Variants in RIPOR3 observed in about 807,000 individuals in gnomAD.
The protein encoded by RIPOR3 is RIPOR family member 3, also known as family with sequence similarity 65 member C.
RIPOR3 carries 95 observed loss-of-function variants against 114.3 expected under a neutral mutation model. The ratio of observed to expected loss-of-function variants is 0.83; its 90% CI spans 0.70 to 0.99. The LOEUF is 0.99. Among genes scored for constraint, RIPOR3 ranks in the 50% least tolerant of loss-of-function variants. The probability of loss-of-function intolerance (pLI) is 0.00; values close to 1 mark genes in which losing one functional copy is unlikely to be tolerated. For synonymous variants in RIPOR3, 575 were observed against 543.8 expected, an observed-to-expected ratio of 1.06 and a Z score of -0.80; for missense variants, 1,252 against 1,266.9, an observed-to-expected ratio of 0.99 and a Z score of 0.18.
chr20:50,640,034 G>C (rs964982304), intron 1 of RIPOR3, among the ~76,000 whole-genome samples: 1 of 150,400 alleles, frequency 6.6e-6, no homozygotes, highest in Non-Finnish European at 1.5e-5. Context: ...TGGTGGCTTA[G>C]GCATAATTTT....
At chr20:50,676,480 C>T (rs1371150707) in intron 1 of RIPOR3, among the ~76,000 whole-genome samples, 2 of 152,004 alleles carry the variant, frequency 1.3e-5, no homozygotes, top group Admixed American at 6.6e-5. Flanking sequence ...AGAGAGACCC[C>T]GTCTCTACTA....
intron 1 of RIPOR3, among the ~76,000 whole-genome samples, chr20:50,680,814 G>C (rs1359435332): frequency 1.3e-5 from 2 of 152,194 alleles, no homozygotes; most frequent in East Asian, 3.8e-4. Context: ...AGGGCACCCT[G>C]ATTTGCAGGT....
chr20:50,666,527 G>T (rs1475478890), intron 1 of RIPOR3, among the ~76,000 whole-genome samples: 4 of 151,410 alleles, frequency 2.6e-5, no homozygotes, highest in African/African-American at 9.7e-5. Flanking sequence ...CCCAGCCTAG[G>T]ACACCCATTT....
At chr20:50,666,181 C>CCTTTTCTTTTCTTTCTTTTCTTTTCTTTT (rs1600720832) in intron 1 of RIPOR3, among the ~76,000 whole-genome samples, 3 of 14,926 alleles carry the variant, frequency 2.0e-4, no homozygotes, top group Non-Finnish European at 4.5e-4. Flanking sequence ...GAAAGGACAC[C>CCTTTTCTTTTCTTTCTTTTCTTTTCTTTT]CATTTCTTTT....
At chr20:50,610,477 C>T (rs1000648031) in intron 6 of RIPOR3, among the ~76,000 whole-genome samples, 4 of 152,160 alleles carry the variant, frequency 2.6e-5, no homozygotes, top group Admixed American at 6.5e-5. Context: ...ATCTGCTATG[C>T]GACCTTGGGC....
rs141061652 is a variant in RIPOR3, at chr20:50,609,369, G to A, written c.577-13C>T. On this transcript the variant is annotated splice_polypyrimidine_tract_variant and intron_variant, in intron 7 of 21. Transcript: ENST00000327979. ...TGAGCCACATGTCCTGCAAAGCCCC[G>A]GAGGTGGCTCAGCTGGCTGCCTGGG... 476 of 1,612,368 alleles carry A rather than the reference G, an allele frequency of 3.0e-4. 1 individual carries two copies. In the African/African-American group the frequency reaches 5.6e-3, roughly 19 times the overall value.
intron 1 of RIPOR3, among the ~76,000 whole-genome samples, chr20:50,690,280 C>T (rs1179291714): frequency 6.6e-6 from 1 of 152,192 alleles, no homozygotes; most frequent in Non-Finnish European, 1.5e-5. Context: ...AGTCTCCCTG[C>T]CCCCAGCTCT....
chr20:50,631,171 C>A (rs180912029), intron 1 of RIPOR3, among the ~76,000 whole-genome samples: 2 of 152,166 alleles, frequency 1.3e-5, no homozygotes, highest in East Asian at 1.9e-4. Flanking sequence ...CCTCTCACCC[C>A]CCGAGCTTCT....
At chr20:50,641,914 C>A (rs1163932205) in intron 1 of RIPOR3, among the ~76,000 whole-genome samples, 3 of 152,124 alleles carry the variant, frequency 2.0e-5, no homozygotes, top group Non-Finnish European at 4.4e-5. Flanking sequence ...GGGTCCTGTT[C>A]AGCCCCTACT....
chr20:50,608,259 C>G, intron 11 of RIPOR3, 130 bp downstream of exon 11: 1 of 1,297,640 alleles, frequency 7.7e-7, no homozygotes, highest in Non-Finnish European at 1.1e-6. Context: ...GAGTGAGGGA[C>G]AGATGAGGAC....
chr20:50,664,741 G>A (rs2086122455), intron 1 of RIPOR3, among the ~76,000 whole-genome samples: 1 of 152,116 alleles, frequency 6.6e-6, no homozygotes, highest in Admixed American at 6.6e-5. Flanking sequence ...AGATTCTGAG[G>A]CTGTGTATGG....
At chr20:50,593,235 C>A in intron 17 of RIPOR3, 39 bp from the exon 18 acceptor site, 1 of 1,593,808 alleles carries the variant, frequency 6.3e-7, no homozygotes, top group Non-Finnish European at 8.5e-7. Flanking sequence ...AAACTGAGAC[C>A]TCGACCCTCC....
chr20:50,620,226 A>G, intron 2 of RIPOR3, 94 bp from the exon 3 acceptor site: 1 of 1,500,118 alleles, frequency 6.7e-7, no homozygotes, highest in Non-Finnish European at 9.0e-7. Flanking sequence ...GACCAGAGCC[A>G]CAGGGAGTCA....
At chr20:50,638,711 C>T (rs1315476959) in intron 1 of RIPOR3, among the ~76,000 whole-genome samples, 5 of 151,772 alleles carry the variant, frequency 3.3e-5, no homozygotes, top group East Asian at 1.9e-4. Flanking sequence ...GATGGGGTAG[C>T]GGGAGGGAGC....
chr20:50,668,578 C>T (rs112670829), intron 1 of RIPOR3, among the ~76,000 whole-genome samples: 2,583 of 152,232 alleles, frequency 0.017, 87 homozygotes, highest in African/African-American at 0.059. Context: ...GGGAAATGGC[C>T]GGGCACAGTG....
At chr20:50,597,500 G>A (rs1243499816) in intron 14 of RIPOR3, 80 bp downstream of exon 14, 23 of 1,529,656 alleles carry the variant, frequency 1.5e-5, no homozygotes, top group Non-Finnish European at 2.0e-5. Context: ...CAGACGGGGA[G>A]GCTGGCAGGA....
intron 1 of RIPOR3, among the ~76,000 whole-genome samples, chr20:50,661,516 T>C (rs1160517731): frequency 6.6e-6 from 1 of 152,178 alleles, no homozygotes; most frequent in African/African-American, 2.4e-5. Context: ...CAGAGGCTCT[T>C]TGGGAGAGTT....
intron 11 of RIPOR3, among the ~76,000 whole-genome samples, chr20:50,607,834 TCTG>T (rs2083778608): frequency 1.3e-5 from 2 of 152,098 alleles, no homozygotes; most frequent in South Asian, 4.1e-4. Flanking sequence ...AGCCCTCCCT[TCTG>T]CTGCCTCTGC....
At position 50,679,153 on chromosome 20, in the gene RIPOR3, C is replaced by T. The variant is rs372116906; in HGVS notation, c.3+11973G>A. Among the ~76,000 whole-genome samples, 212 of 41,278 alleles carry T rather than the reference C, an allele frequency of 5.1e-3. 3 individuals carry two copies. Among genetic ancestry groups the T allele is most frequent in the East Asian group, 0.049 (43 of 878 alleles). The allele number at this position is 41,278 out of a possible 152,430, so 27.1% of individuals were successfully genotyped here. ...AAAAAAAAATATATATATATATACA[C>T]ACACACACACACAGAGAGAGAGAGA... On this transcript the variant is annotated intron_variant, in intron 1 of 21. Coordinates refer to ENST00000327979, the MANE Select transcript of RIPOR3 (RefSeq NM_001290268.2).
Sources: gnomAD v4.1 joint callset for allele counts (sites outside exome capture counted in the v4.1 genomes callset) on GRCh38, gnomAD v4.1.1 for gene constraint, MANE v1.5 for transcripts, NCBI Gene and HGNC (gene_info 2026-07-23, HGNC 2026-07-21) for gene names.